Variants in TET2 observed in about 807,000 individuals in gnomAD.
TET2 encodes the protein methylcytosine dioxygenase TET2.
TET2 carries 299 observed loss-of-function variants against 142.9 expected under a neutral mutation model. The ratio of observed to expected loss-of-function variants is 2.09; its 90% CI spans 1.90 to 2.30. The LOEUF (loss-of-function observed/expected upper bound fraction) is 2.30, where lower values mean the gene tolerates loss of function less well. TET2 is among the 30% of genes most tolerant of loss of function. The pLI is 0.00. For missense variants in TET2, 2,418 were observed against 2,378.0 expected, an observed-to-expected ratio of 1.02 and a Z score of -0.35; for synonymous variants, 819 against 849.0, an observed-to-expected ratio of 0.96 and a Z score of 0.61.
chr4:105,235,552 A>C lies in TET2; in HGVS notation c.1610A>C (p.Glu537Ala). The C allele has an allele frequency of 6.2e-7, 1 of 1,614,192 alleles. No individual in the cohort carries two copies. Among genetic ancestry groups the C allele is most frequent in the South Asian group, 1.1e-5 (1 of 91,086 alleles). ...DNCQQLMRNK[E>A]QEILKGRDKE... is the part of the protein sequence containing the mutation. Reference sequence around the variant, plus strand: ...TGCCAGCAGTTGATGAGAAACAAAGAGCAAGAGATTCTGAAGGGTCGAGAC... The same window carrying C: ...TGCCAGCAGTTGATGAGAAACAAAGCGCAAGAGATTCTGAAGGGTCGAGAC... Residue 537 changes from glutamate (E) to alanine (A), a missense_variant, in exon 3 of 11, where the codon GAG becomes GCG. Transcript: ENST00000380013.
At chr4:105,217,841 C>A (rs12508009) in intron 2 of TET2, among the ~76,000 whole-genome samples, 1 of 151,874 alleles carries the variant, frequency 6.6e-6, no homozygotes, top group South Asian at 2.1e-4. Context: ...CACATTAGGA[C>A]ACATCTCTAG....
At chr4:105,207,890 T>TG (rs1726922442) in intron 2 of TET2, among the ~76,000 whole-genome samples, 1 of 152,162 alleles carries the variant, frequency 6.6e-6, no homozygotes, top group Non-Finnish European at 1.5e-5. Context: ...CTTAAGTAAC[T>TG]GGGGGGATGA....
intron 1 of TET2, among the ~76,000 whole-genome samples, chr4:105,172,157 A>C (rs1385887464): frequency 6.6e-6 from 1 of 152,136 alleles, no homozygotes; most frequent in Non-Finnish European, 1.5e-5. Flanking sequence ...CCTTAAATAA[A>C]TACAGTTGAC....
chr4:105,226,529 CTG>C (rs1355878659), intron 2 of TET2, among the ~76,000 whole-genome samples: 12 of 152,134 alleles, frequency 7.9e-5, no homozygotes, highest in African/African-American at 2.9e-4. Context: ...TGGCATGGTG[CTG>C]TCCTCCTGAT....
In TET2 at chr4:105,237,388, A is replaced by C. The variant is rs35264841; in HGVS notation, c.3409+37A>C. ...AAATGTACTGAGACACATGGCGTTT[A>C]TCCAGAATTAGCAAATTTATCTTCA... On this transcript the variant is annotated intron_variant, in intron 3 of 10. Transcript: ENST00000380013. 1.6e-4 allele frequency: 256 copies of C among 1,614,094 alleles called. 3 individuals are homozygous for C. In the African/African-American group the frequency reaches 2.7e-3, roughly 17 times the overall value.
At position 105,235,831 on chromosome 4, in the gene TET2, A is replaced by G; in HGVS notation, c.1889A>G (p.Lys630Arg). Residue 630 changes from lysine to arginine, a missense_variant, in exon 3 of 11, where the codon AAG becomes AGG. By Grantham distance (26) the Lys-to-Arg change is conservative. Transcript: ENST00000380013. The part of the protein sequence containing the change: ...YTQKTTQLEH[K>R]SQMYQVEMNQ... ...CAGAAAACAACACAGCTGGAGCACA[A>G]GTCACAAATGTACCAAGTTGAAATG... 27 of 1,614,080 alleles carry G rather than the reference A, an allele frequency of 1.7e-5. No individual in the cohort carries two copies. The highest frequency in any genetic ancestry group is 2.1e-5 in the Non-Finnish European group (25 of 1,179,996).
chr4:105,241,680 G>T, intron 4 of TET2: 1 of 1,276,708 alleles, frequency 7.8e-7, no homozygotes, highest in Non-Finnish European at 9.9e-7. Flanking sequence ...ACCCAGGCAT[G>T]AACAGGAATC....
chr4:105,183,861 C>A (rs1378963948), intron 1 of TET2, among the ~76,000 whole-genome samples: 1 of 152,142 alleles, frequency 6.6e-6, no homozygotes, highest in Non-Finnish European at 1.5e-5. Flanking sequence ...CCTTTCTTTG[C>A]CCCTTTCTTC....
At chr4:105,232,132 C>G (rs983255979) in intron 2 of TET2, among the ~76,000 whole-genome samples, 1 of 151,998 alleles carries the variant, frequency 6.6e-6, no homozygotes, top group African/African-American at 2.4e-5. Flanking sequence ...TTTTTCTGTT[C>G]CTTTGTTAGT....
chr4:105,192,829 C>T (rs1725863576), intron 2 of TET2, among the ~76,000 whole-genome samples: 1 of 151,952 alleles, frequency 6.6e-6, no homozygotes, highest in Non-Finnish European at 1.5e-5. Context: ...AATTGAGTGG[C>T]AGGGTTAGGT....
At position 105,279,594 on chromosome 4, in the gene TET2, T is replaced by C. The variant is rs895356122; in HGVS notation, c.*3075T>C. On this transcript the variant is annotated 3_prime_UTR_variant, in exon 11 of 11. Coordinates refer to ENST00000380013, the MANE Select transcript of TET2 (RefSeq NM_001127208.3). ...TGCAGTTTGACACTAAGATAACTTCTGTGTGCATTTTTCTATGCTTTTTTA... is the reference window on the plus strand; with the variant it reads ...TGCAGTTTGACACTAAGATAACTTCCGTGTGCATTTTTCTATGCTTTTTTA... The C allele has an allele frequency of 8.6e-6, 2 of 232,364 alleles. No individual in the cohort carries two copies. Among genetic ancestry groups the C allele is most frequent in the Non-Finnish European group, 8.5e-6 (1 of 117,594 alleles). 14.4% of individuals were successfully genotyped at this position (232,364 alleles called of 1,614,324 possible). A position where few individuals can be genotyped will look rare whatever the true frequency, so the allele number is the denominator to read the frequency against.
intron 2 of TET2, among the ~76,000 whole-genome samples, chr4:105,226,478 G>A (rs1028273048): frequency 6.6e-6 from 1 of 152,076 alleles, no homozygotes; most frequent in Admixed American, 6.6e-5. Flanking sequence ...GGAGGTGGGG[G>A]CCTGGTGGGA....
chr4:105,214,791 T>A (rs1195852702), intron 2 of TET2, among the ~76,000 whole-genome samples: 1 of 152,074 alleles, frequency 6.6e-6, no homozygotes, highest in Admixed American at 6.6e-5. Flanking sequence ...ACTTAGAAGC[T>A]CCGTGCACTT....
intron 7 of TET2, among the ~76,000 whole-genome samples, chr4:105,260,583 A>G (rs1273140151): frequency 2.0e-5 from 3 of 152,132 alleles, no homozygotes; most frequent in African/African-American, 7.2e-5. Context: ...ATACACTTAC[A>G]ATTATCTTTT....
At chr4:105,185,199 A>T (rs909760796) in intron 1 of TET2, among the ~76,000 whole-genome samples, 1 of 152,040 alleles carries the variant, frequency 6.6e-6, no homozygotes, top group Non-Finnish European at 1.5e-5. Context: ...TTTTGAACGA[A>T]AACTTGTCTG....
At chr4:105,156,869 T>C (rs1723592519) in intron 1 of TET2, among the ~76,000 whole-genome samples, 1 of 152,198 alleles carries the variant, frequency 6.6e-6, no homozygotes, top group African/African-American at 2.4e-5. Context: ...CCTGGTCTTA[T>C]TAATTTTTTT....
chr4:105,259,739 GT>G lies in TET2; in HGVS notation c.3927del (p.Phe1309LeufsTer54). The G allele has an allele frequency of 6.4e-7, 1 of 1,550,912 alleles. No individual in the cohort carries two copies. On this transcript the variant is annotated frameshift_variant, in exon 7 of 11. Transcript: ENST00000380013. LOFTEE classifies it high-confidence loss of function. ...KFARSKIPRK[F>X]KLLGDDPKEE... ...TTGCCAGAAGCAAGATCCCAAGGAA[GT>G]TTAAGCTGCTTGGGGATGACCCAAA...
chr4:105,183,194 AC>A, intron 1 of TET2, among the ~76,000 whole-genome samples: 1 of 152,218 alleles, frequency 6.6e-6, no homozygotes, highest in East Asian at 1.9e-4. Flanking sequence ...ATGGTAGTAG[AC>A]TCATTACTCC....
chr4:105,224,866 T>C (rs1233732473), intron 2 of TET2, among the ~76,000 whole-genome samples: 1 of 152,116 alleles, frequency 6.6e-6, no homozygotes, highest in African/African-American at 2.4e-5. Flanking sequence ...AATGGTGGTA[T>C]TTATAGTAAA....
Sources: allele counts gnomAD v4.1 joint callset (sites outside exome capture counted in the v4.1 genomes callset), GRCh38; gene constraint gnomAD v4.1.1; transcripts MANE v1.5; gene names NCBI Gene and HGNC (gene_info 2026-07-23, HGNC 2026-07-21).